ZMYM4: variants seen among roughly 807,000 people sequenced by gnomAD.
The protein encoded by ZMYM4 is zinc finger MYM-type protein 4.
A neutral mutation model predicts 183.2 loss-of-function variants in ZMYM4; 31 were observed. That is an observed-to-expected ratio of 0.17 (90% CI 0.13 to 0.23). The LOEUF (loss-of-function observed/expected upper bound fraction) is 0.23. ZMYM4 is among the 10% of genes least tolerant of loss of function. The pLI, the probability that ZMYM4 is intolerant of heterozygous loss-of-function variation, is 1.00. For missense variants in ZMYM4, 1,273 were observed against 1,840.3 expected, an observed-to-expected ratio of 0.69 and a Z score of 5.64; for synonymous variants, 592 against 631.2, an observed-to-expected ratio of 0.94 and a Z score of 0.93.
At chr1:35,273,040 T>C (rs1248678536) in intron 1 of ZMYM4, among the ~76,000 whole-genome samples, 1 of 152,186 alleles carries the variant, frequency 6.6e-6, no homozygotes, top group Non-Finnish European at 1.5e-5. Context: ...GACCATTGGG[T>C]TAACAACCTT....
Position 35,410,456 on chromosome 1 carries a change from ATATTTATT to A in ZMYM4, c.3948+2309_3948+2316del, listed in dbSNP as rs144213031. ...GTAGTGTACTTTGAATGACAAATAT[ATATTTATT>A]TATTTATTTATCTGTTTATTAATTA... On this transcript the variant is annotated intron_variant, in intron 26 of 29. Coordinates refer to ENST00000314607, the MANE Select transcript of ZMYM4 (RefSeq NM_005095.3). 1.2e-3 allele frequency among the ~76,000 whole-genome samples: 179 copies of A among 151,230 alleles called. 1 individual carries two copies. The highest frequency in any genetic ancestry group is 4.1e-3 in the African/African-American group (170 of 41,334).
intron 23 of ZMYM4, chr1:35,404,780 C>T: frequency 3.2e-6 from 1 of 317,302 alleles, no homozygotes; most frequent in East Asian, 5.7e-5. Context: ...TAGTAAATAC[C>T]CAAATGTTAG....
intron 1 of ZMYM4, among the ~76,000 whole-genome samples, chr1:35,272,613 A>C (rs1338580433): frequency 6.6e-6 from 1 of 152,180 alleles, no homozygotes; most frequent in Non-Finnish European, 1.5e-5. Context: ...TAAATCTTTC[A>C]TAGCGTCCTT....
chr1:35,290,157 A>G lies in ZMYM4; in HGVS notation c.39+21072A>G, dbSNP rs1047611143. Among the ~76,000 whole-genome samples the G allele has an allele frequency of 7.9e-5, 12 of 152,162 alleles. No individual in the cohort carries two copies. In the South Asian group the frequency reaches 8.3e-4, roughly 11 times the overall value. On this transcript the variant is annotated intron_variant, in intron 1 of 29. Coordinates refer to ENST00000314607, the MANE Select transcript of ZMYM4 (RefSeq NM_005095.3). The stretch of plus-strand genomic sequence containing the variant: ...TAATTTTTGTATTTTTAGTAGAGAC[A>G]GGGTTTCTCCATGTTGGCCAGGCTG...
intron 25 of ZMYM4, 113 bp from the exon 26 acceptor site, chr1:35,407,895 C>T: frequency 7.5e-7 from 1 of 1,327,552 alleles, no homozygotes; most frequent in Admixed American, 2.0e-5. Flanking sequence ...CATATACCCA[C>T]TAGTCTGCAC....
chr1:35,350,253 C>T (rs1407396635), intron 2 of ZMYM4, among the ~76,000 whole-genome samples: 1 of 148,716 alleles, frequency 6.7e-6, no homozygotes, highest in Admixed American at 6.7e-5. Flanking sequence ...GTAGCAATCT[C>T]AGGGAATTGT....
intron 1 of ZMYM4, among the ~76,000 whole-genome samples, chr1:35,303,112 A>G (rs921468832): frequency 6.6e-6 from 1 of 151,310 alleles, no homozygotes; most frequent in African/African-American, 2.4e-5. Context: ...AAAAAAACAA[A>G]AAAACCTTGT....
chr1:35,309,475 G>A (rs1339250857), intron 1 of ZMYM4, among the ~76,000 whole-genome samples: 1 of 152,116 alleles, frequency 6.6e-6, no homozygotes, highest in Non-Finnish European at 1.5e-5. Context: ...AGAATAATTT[G>A]TCTAATATTT....
Position 35,370,365 on chromosome 1 carries a change from T to TAA in ZMYM4, c.926-7_926-6insAA. 1 of 1,432,312 alleles carries TAA rather than the reference T, an allele frequency of 7.0e-7. No homozygotes were observed. 88.7% of individuals were successfully genotyped at this position (1,432,312 alleles called of 1,614,324 possible). On this transcript the variant is annotated splice_region_variant and splice_polypyrimidine_tract_variant and intron_variant, in intron 6 of 29. Transcript: ENST00000314607. ...TTTTTTTTTTTTTTTTTTTTTTTTT[T>TAA]TTAAAGCTCCACAGTTGACTACTGG...
chr1:35,331,374 G>A (rs1490113900), intron 2 of ZMYM4, among the ~76,000 whole-genome samples: 1 of 152,126 alleles, frequency 6.6e-6, no homozygotes, highest in Non-Finnish European at 1.5e-5. Context: ...TCAGTGATTA[G>A]TATACAATTT....
intron 1 of ZMYM4, among the ~76,000 whole-genome samples, chr1:35,303,710 C>T (rs1199028553): frequency 6.6e-6 from 1 of 152,118 alleles, no homozygotes; most frequent in Non-Finnish European, 1.5e-5. Context: ...TTTGGTTTCA[C>T]TGATTTTTAT....
At chr1:35,318,481 G>A (rs115966162) in intron 1 of ZMYM4, among the ~76,000 whole-genome samples, 4,968 of 151,958 alleles carry the variant, frequency 0.033, 258 homozygotes, top group East Asian at 0.25. Context: ...AATTTGAGGC[G>A]AAGTCTCGCT....
chr1:35,403,895 G>GT (rs987368046), intron 23 of ZMYM4, among the ~76,000 whole-genome samples: 3 of 152,152 alleles, frequency 2.0e-5, no homozygotes, highest in African/African-American at 7.2e-5. Flanking sequence ...TTCTTCTAGA[G>GT]TAAGCTTAAT....
intron 2 of ZMYM4, among the ~76,000 whole-genome samples, chr1:35,339,845 C>CT (rs1206213571): frequency 6.6e-6 from 1 of 152,218 alleles, no homozygotes; most frequent in East Asian, 1.9e-4. Context: ...TCACCAGCAT[C>CT]TATCAAATAC....
At chr1:35,300,117 A>T (rs1256879615) in intron 1 of ZMYM4, among the ~76,000 whole-genome samples, 2 of 152,048 alleles carry the variant, frequency 1.3e-5, no homozygotes, top group Non-Finnish European at 2.9e-5. Flanking sequence ...TCAATTTTCC[A>T]TCTGCCACAT....
At chr1:35,332,353 A>G (rs564525575) in intron 2 of ZMYM4, among the ~76,000 whole-genome samples, 1 of 151,864 alleles carries the variant, frequency 6.6e-6, no homozygotes, top group South Asian at 2.1e-4. Flanking sequence ...CACTTTTATT[A>G]AGCTCAAGGA....
At position 35,381,550 on chromosome 1, in the gene ZMYM4, G is replaced by A. The variant is rs372047934; in HGVS notation, c.1361G>A (p.Arg454Gln). Residue 454 changes from arginine (R) to glutamine (Q), a missense_variant, in exon 9 of 30, where the codon CGA becomes CAA. Transcript: ENST00000314607. ...CSMCQKNAVI[R>Q]HEVNYQNVVH... Reference sequence around the variant, plus strand: ...TTGCTGTTATTTAATTTCTAGATTCGACATGAAGTTAATTACCAGAATGTG... The same window carrying A: ...TTGCTGTTATTTAATTTCTAGATTCAACATGAAGTTAATTACCAGAATGTG... 5 of 1,613,852 alleles carry A rather than the reference G, an allele frequency of 3.1e-6. No individual in the cohort carries two copies. Among genetic ancestry groups the A allele is most frequent in the Non-Finnish European group, 4.2e-6 (5 of 1,180,000 alleles).
At chr1:35,377,662 A>G (rs7537917) in intron 7 of ZMYM4, among the ~76,000 whole-genome samples, 47 of 152,286 alleles carry the variant, frequency 3.1e-4, no homozygotes, top group African/African-American at 9.9e-4. Flanking sequence ...ACCAATGTAC[A>G]TTTTTAAATT....
intron 1 of ZMYM4, among the ~76,000 whole-genome samples, chr1:35,303,653 A>G (rs1641394778): frequency 6.6e-6 from 1 of 151,972 alleles, no homozygotes; most frequent in Non-Finnish European, 1.5e-5. Context: ...TGATACATGC[A>G]TGAGCCACAG....
Sources: gnomAD v4.1 joint callset for allele counts (sites outside exome capture counted in the v4.1 genomes callset) on GRCh38, gnomAD v4.1.1 for gene constraint, MANE v1.5 for transcripts, NCBI Gene and HGNC (gene_info 2026-07-23, HGNC 2026-07-21) for gene names.